WBP1: variants seen among roughly 807,000 people sequenced by gnomAD.
WBP1 encodes the protein WW domain-binding protein 1.
A neutral mutation model predicts 25.6 loss-of-function variants in WBP1; 18 were observed. The observed-to-expected ratio is 0.70, with a 90% CI of 0.49 to 1.04. The LOEUF (loss-of-function observed/expected upper bound fraction) is 1.04. Ranked by LOEUF, WBP1 falls within the 50% of genes least tolerant of loss-of-function variation. The pLI is 0.00. For synonymous variants in WBP1, 122 were observed against 137.7 expected (o/e 0.89, Z 0.80); for missense variants, 330 against 352.9 (o/e 0.94, Z 0.52).
At chr2:74,458,758 A>G in intron 1 of WBP1, 87 bp downstream of exon 1, 1 of 1,520,460 alleles carries the variant, frequency 6.6e-7, no homozygotes, top group East Asian at 2.5e-5. Flanking sequence ...TGGGGGAGGA[A>G]CTCACGGAGC....
intron 3 of WBP1, 71 bp from the exon 4 acceptor site, chr2:74,460,150 T>C: frequency 1.2e-5 from 18 of 1,509,462 alleles, no homozygotes; most frequent in Non-Finnish European, 1.6e-5. Flanking sequence ...AAAGTATTTT[T>C]CCCTAATATA....
chr2:74,458,819 C>T, intron 1 of WBP1, 148 bp downstream of exon 1: 3 of 1,534,190 alleles, frequency 2.0e-6, no homozygotes, highest in South Asian at 2.4e-5. Context: ...TTTGTCTAAA[C>T]TTTGTAACGT....
At chr2:74,459,470 G>T (rs1671823287) in intron 1 of WBP1, 173 bp from the exon 2 acceptor site, 1 of 656,664 alleles carries the variant, frequency 1.5e-6, no homozygotes, top group South Asian at 1.9e-5. Context: ...CCTCTTCCAC[G>T]TTGACAGCCC....
At position 74,460,767 on chromosome 2, in the gene WBP1, C is replaced by G; in HGVS notation, c.*86C>G. 3 of 1,230,874 alleles carry G rather than the reference C, an allele frequency of 2.4e-6. No homozygotes were observed. Among genetic ancestry groups the G allele is most frequent in the Non-Finnish European group, 3.4e-6 (3 of 893,570 alleles). 76.2% of individuals were successfully genotyped at this position (1,230,874 alleles called of 1,614,324 possible). A position where few individuals can be genotyped will look rare whatever the true frequency, so the allele number is the denominator to read the frequency against. On this transcript the variant is annotated 3_prime_UTR_variant, in exon 4 of 4. Transcript: ENST00000233615. Reference sequence around the variant, plus strand: ...TTGCGTTCCTTTGGCCCCTCCCTGCCTACCTAGAATCTGCCTGAAAGGGCT... The same window carrying G: ...TTGCGTTCCTTTGGCCCCTCCCTGCGTACCTAGAATCTGCCTGAAAGGGCT...
At position 74,460,580 on chromosome 2, in the gene WBP1, C is replaced by T. The variant is rs904165174; in HGVS notation, c.709C>T (p.Leu237=). Residue 237 remains leucine, a synonymous_variant, in exon 4 of 4, where the codon CTG becomes TTG. Transcript: ENST00000233615. ...CAAGGAGGTGAGGGTTAGTGCCACC[C>T]TGCCAGATCTGGAGGACTACTCCCC... ...PVKEVRVSAT[L]PDLEDYSPCA... is the part of the protein sequence containing the mutation. The T allele has an allele frequency of 6.2e-7, 1 of 1,613,516 alleles. No homozygotes were observed. Among genetic ancestry groups the T allele is most frequent in the Non-Finnish European group, 8.5e-7 (1 of 1,179,772 alleles).
rs749901752 is a variant in WBP1 at position 74,460,599 on chromosome 2, A to C, written c.728A>C (p.Tyr243Ser). Residue 243 changes from tyrosine to serine, a missense_variant, in exon 4 of 4, where the codon TAC (tyrosine) becomes TCC (serine). Tyr to Ser is a moderately radical substitution (Grantham distance 144). Transcript: ENST00000233615. ...VSATLPDLED[Y>S]SPCALPPESV... ...GCCACCCTGCCAGATCTGGAGGACTACTCCCCGTGTGCACTACCCCCAGAG... is the reference window on the plus strand; with the variant it reads ...GCCACCCTGCCAGATCTGGAGGACTCCTCCCCGTGTGCACTACCCCCAGAG... 3.1e-6 allele frequency: 5 copies of C among 1,612,394 alleles called. No homozygotes were observed. The highest frequency in any genetic ancestry group is 3.4e-6 in the Non-Finnish European group (4 of 1,179,372).
chr2:74,459,523 C>T, intron 1 of WBP1, 120 bp from the exon 2 acceptor site: 2 of 883,450 alleles, frequency 2.3e-6, no homozygotes, highest in Non-Finnish European at 3.6e-6. Flanking sequence ...CCACTTCCCC[C>T]ATCTCTCCAA....
At chr2:74,458,760 T>A in intron 1 of WBP1, 89 bp downstream of exon 1, 1 of 1,521,378 alleles carries the variant, frequency 6.6e-7, no homozygotes, top group South Asian at 1.2e-5. Flanking sequence ...GGGGAGGAAC[T>A]CACGGAGCCA....
intron 3 of WBP1, 55 bp from the exon 4 acceptor site, chr2:74,460,166 T>C: frequency 6.4e-7 from 1 of 1,573,516 alleles, no homozygotes; most frequent in Non-Finnish European, 8.7e-7. Flanking sequence ...ATATAAAAAC[T>C]AGCACCCTAT....
chr2:74,458,703 A>C (rs1461301428), intron 1 of WBP1, 32 bp downstream of exon 1: 1 of 1,555,778 alleles, frequency 6.4e-7, no homozygotes, highest in Admixed American at 2.0e-5. Flanking sequence ...CTATCACGAC[A>C]GCCATTTGTC....
At chr2:74,459,204 C>T (rs1671812667) in intron 1 of WBP1, 1 of 1,443,528 alleles carries the variant, frequency 6.9e-7, no homozygotes, top group Non-Finnish European at 9.2e-7. Flanking sequence ...GTGAACCGCG[C>T]AGGATAATGA....
At position 74,460,010 on chromosome 2, in the gene WBP1, G is replaced by C; in HGVS notation, c.310G>C (p.Gly104Arg). 2 of 1,614,120 alleles carry C rather than the reference G, an allele frequency of 1.2e-6. No homozygotes were observed. Among genetic ancestry groups the C allele is most frequent in the Non-Finnish European group, 1.7e-6 (2 of 1,179,986 alleles). Residue 104 changes from glycine to arginine, a missense_variant, in exon 3 of 4, where the codon GGG becomes CGG. Coordinates refer to ENST00000233615, the MANE Select transcript of WBP1 (RefSeq NM_012477.4). ...NLLAYHGACH[G>R]AGPFPTGSLL... ...GTTGGCCTATCATGGGGCATGCCATGGGGCTGGTCCTTTCCCTACCGGTTC... is the reference window on the plus strand; with the variant it reads ...GTTGGCCTATCATGGGGCATGCCATCGGGCTGGTCCTTTCCCTACCGGTTC...
Position 74,459,243 on chromosome 2 carries a change from G to T in WBP1, c.70-400G>T, listed in dbSNP as rs1671814655. The T allele has an allele frequency of 1.0e-5, 12 of 1,190,928 alleles. No individual in the cohort carries two copies. In the South Asian group the frequency reaches 1.9e-4, roughly 19 times the overall value. The allele number at this position is 1,190,928 out of a possible 1,614,324, so 73.8% of individuals were successfully genotyped here. ...CAACTTGCTTTGGAAATGACCTACC[G>T]CTACCCGTTGTCTGAGACTGAGATT... is the stretch of plus-strand genomic sequence containing the variant. On this transcript the variant is annotated intron_variant, in intron 1 of 3. Transcript: ENST00000233615.
rs953554283 is a variant in WBP1, at chr2:74,460,262, G to A, written c.391G>A (p.Val131Ile). 6.2e-7 allele frequency: 1 copy of A among 1,613,568 alleles called. No homozygotes were observed. Among genetic ancestry groups the A allele is most frequent in the Non-Finnish European group, 8.5e-7 (1 of 1,179,638 alleles). Residue 131 changes from valine to isoleucine, a missense_variant, in exon 4 of 4, where the codon GTT becomes ATT. Physicochemically the swap from Val to Ile is conservative, Grantham distance 29. Transcript: ENST00000233615. ...TFKPPAYEDV[V>I]HRPGTPPPPY... ...CAAGCCCCCAGCCTACGAGGATGTG[G>A]TTCACCGCCCAGGCACACCACCCCC...
At position 74,459,843 on chromosome 2, in the gene WBP1, C is replaced by A. The variant is rs184530556; in HGVS notation, c.173-30C>A. On this transcript the variant is annotated intron_variant, in intron 2 of 3. Coordinates refer to ENST00000233615, the MANE Select transcript of WBP1 (RefSeq NM_012477.4). ...GGGCCCCTTCTCTGCATGAAAGATG[C>A]CTGAGTTGCTCCCTCCTTGCCTCTT... is the stretch of plus-strand genomic sequence containing the variant. The A allele has an allele frequency of 5.1e-4, 816 of 1,612,542 alleles. 3 individuals are homozygous for A. The highest frequency in any genetic ancestry group is 2.1e-3 in the Middle Eastern group (13 of 6,056).
rs1245652022 is a variant in WBP1, at chr2:74,460,537, C to T, written c.666C>T (p.Ser222=). ...SGIELCPCPA[S]GEGEPVKEVR... is the part of the protein sequence containing the mutation. Reference sequence around the variant, plus strand: ...TTGAGCTCTGCCCTTGTCCTGCCTCCGGTGAGGGTGAGCCAGTCAAGGAGG... The same window carrying T: ...TTGAGCTCTGCCCTTGTCCTGCCTCTGGTGAGGGTGAGCCAGTCAAGGAGG... The change falls in exon 4 of 4, where the codon TCC becomes TCT. Residue 222 remains serine (S), a synonymous_variant. Transcript: ENST00000233615. 9.3e-6 allele frequency: 15 copies of T among 1,613,530 alleles called. No individual in the cohort carries two copies. The highest frequency in any genetic ancestry group is 2.7e-5 in the African/African-American group (2 of 74,900).
intron 1 of WBP1, 29 bp from the exon 2 acceptor site, chr2:74,459,614 C>T (rs1671831258): frequency 6.2e-7 from 1 of 1,609,468 alleles, no homozygotes; most frequent in Non-Finnish European, 8.5e-7. Context: ...TGGAATCCCC[C>T]TTAGTTCTAA....
chr2:74,460,458 C>G lies in WBP1; in HGVS notation c.587C>G (p.Pro196Arg). 6.2e-7 allele frequency: 1 copy of G among 1,613,520 alleles called. No homozygotes were observed. The highest frequency in any genetic ancestry group is 8.5e-7 in the Non-Finnish European group (1 of 1,179,982). The change falls in exon 4 of 4, where the codon CCT (proline) becomes CGT (arginine). Residue 196 changes from proline to arginine, a missense_variant. Coordinates refer to ENST00000233615, the MANE Select transcript of WBP1 (RefSeq NM_012477.4). ...GGTGAGCCCGGGGCAGGGGTGACCC[C>G]TGCCTCCACACCCCCCTCCTGCCGC... ...QEGEPGAGVT[P>R]ASTPPSCRYR...
rs542611467 is a variant in WBP1 at position 74,460,421 on chromosome 2, C to A, written c.550C>A (p.Pro184Thr). The change falls in exon 4 of 4, where the codon CCT (proline) becomes ACT (threonine). Residue 184 changes from proline to threonine, a missense_variant. Transcript: ENST00000233615. ...EGVSSHQSAP[P>T]HQEGEPGAGV... Reference sequence around the variant, plus strand: ...TGTTTCCTCCCACCAGAGTGCCCCCCCTCATCAGGAGGGTGAGCCCGGGGC... The same window carrying A: ...TGTTTCCTCCCACCAGAGTGCCCCCACTCATCAGGAGGGTGAGCCCGGGGC... The A allele has an allele frequency of 3.1e-6, 5 of 1,613,824 alleles. No individual in the cohort carries two copies. Among genetic ancestry groups the A allele is most frequent in the Non-Finnish European group, 3.4e-6 (4 of 1,179,990 alleles).
Sources: allele counts gnomAD v4.1 joint callset, GRCh38; gene constraint gnomAD v4.1.1; transcripts MANE v1.5; gene names NCBI Gene and HGNC (gene_info 2026-07-23, HGNC 2026-07-21).